Variants in GPATCH8 observed in about 807,000 individuals in gnomAD.
GPATCH8 encodes the protein G-patch domain containing 8.
In GPATCH8, 18 loss-of-function variants were observed where a neutral mutation model predicts 118.3. The observed-to-expected ratio is 0.15, with a 90% CI of 0.11 to 0.23. The LOEUF is 0.23. Ranked by LOEUF, GPATCH8 falls within the 10% of genes least tolerant of loss-of-function variation. The probability of loss-of-function intolerance (pLI) is 1.00; values close to 1 mark genes in which losing one functional copy is unlikely to be tolerated. For missense variants in GPATCH8, 1,631 were observed against 1,873.8 expected, an observed-to-expected ratio of 0.87 and a Z score of 2.39; for synonymous variants, 659 against 684.7, an observed-to-expected ratio of 0.96 and a Z score of 0.59.
intron 1 of GPATCH8, 116 bp from the exon 2 acceptor site, chr17:44,475,019 G>A: frequency 1.5e-6 from 1 of 676,484 alleles, no homozygotes; most frequent in Non-Finnish European, 2.7e-6. Context: ...AACCTAAAAG[G>A]ACACTGCAAT....
At chr17:44,476,361 T>C (rs1051397978) in intron 1 of GPATCH8, among the ~76,000 whole-genome samples, 3 of 152,058 alleles carry the variant, frequency 2.0e-5, no homozygotes, top group Non-Finnish European at 4.4e-5. Flanking sequence ...TGTGCCACCA[T>C]GCCTGGCTAA....
chr17:44,491,306 T>C (rs887443370), intron 1 of GPATCH8, among the ~76,000 whole-genome samples: 1 of 152,024 alleles, frequency 6.6e-6, no homozygotes, highest in Non-Finnish European at 1.5e-5. Flanking sequence ...CTAGCCAAGA[T>C]GGTGAAACCC....
chr17:44,422,713 C>T (rs1395355445), intron 6 of GPATCH8, among the ~76,000 whole-genome samples: 1 of 151,120 alleles, frequency 6.6e-6, no homozygotes, highest in Non-Finnish European at 1.5e-5. Flanking sequence ...CTCCTGACCT[C>T]GTGATCCGCC....
Position 44,398,744 on chromosome 17 carries a change from C to T in GPATCH8, c.3333G>A (p.Glu1111=), listed in dbSNP as rs151242017. Residue 1111 remains glutamate, a synonymous_variant, in exon 8 of 8, where the codon GAG becomes GAA. Transcript: ENST00000591680. Reference sequence around the variant, plus strand: ...CAGCTTTATTAGGGGTGGCCTGCACCTCCTCACTCACACTAGGTTTCCTCT... The same window carrying T: ...CAGCTTTATTAGGGGTGGCCTGCACTTCCTCACTCACACTAGGTTTCCTCT... The part of the protein sequence containing the change: ...KVERKPSVSE[E]VQATPNKAGP... 8.7e-6 allele frequency: 14 copies of T among 1,612,916 alleles called. No individual in the cohort carries two copies. Among genetic ancestry groups the T allele is most frequent in the Middle Eastern group, 1.6e-4 (1 of 6,076 alleles).
intron 6 of GPATCH8, among the ~76,000 whole-genome samples, chr17:44,418,456 CTT>C (rs56885612): frequency 4.2e-4 from 59 of 139,674 alleles, no homozygotes; most frequent in Middle Eastern, 3.6e-3. Flanking sequence ...GTGCTAATGT[CTT>C]TTTTTTTTTT....
Position 44,397,930 on chromosome 17 carries a change from G to C in GPATCH8, c.4147C>G (p.His1383Asp). Residue 1383 changes from histidine to aspartate, a missense_variant, in exon 8 of 8, where the codon CAT becomes GAT. By Grantham distance (81) the His-to-Asp change is moderately conservative (BLOSUM62 -1). Around this residue, in one of 8 missense-constraint regions of GPATCH8, gnomAD observed 111 missense variants for 112.4 expected, o/e 0.99. Coordinates refer to ENST00000591680, the MANE Select transcript of GPATCH8 (RefSeq NM_001002909.4). Reference sequence around the variant, plus strand: ...ATGGCGGCAGCAGCTGCGGCAGCATGATGTTGTAGGATGGCATGCTGAACA... The same window carrying C: ...ATGGCGGCAGCAGCTGCGGCAGCATCATGTTGTAGGATGGCATGCTGAACA... ...TTVQHAILQH[H>D]AAAAAAAIGI... 2.5e-6 allele frequency: 4 copies of C among 1,613,446 alleles called. No homozygotes were observed. The highest frequency in any genetic ancestry group is 3.4e-6 in the Non-Finnish European group (4 of 1,179,430).
In GPATCH8 at chr17:44,400,174, A is replaced by G. The variant is rs775197007; in HGVS notation, c.1903T>C (p.Ser635Pro). ...SSGGRMDAPA[S>P]GSACSGLNKQ... The stretch of plus-strand genomic sequence containing the variant: ...TTCAGGCCGCTACAGGCAGACCCTG[A>G]AGCAGGTGCGTCCATTCTGCCTCCT... Residue 635 changes from serine (S) to proline (P), a missense_variant, in exon 8 of 8, where the codon TCA becomes CCA. Coordinates refer to ENST00000591680, the MANE Select transcript of GPATCH8 (RefSeq NM_001002909.4). 1.1e-5 allele frequency: 18 copies of G among 1,613,752 alleles called. No individual in the cohort carries two copies. In the African/African-American group the frequency reaches 2.4e-4, roughly 22 times the overall value.
chr17:44,501,352 G>A (rs1403428931), intron 1 of GPATCH8, among the ~76,000 whole-genome samples: 1 of 151,782 alleles, frequency 6.6e-6, no homozygotes, highest in Non-Finnish European at 1.5e-5. Context: ...GGGAGGCAGA[G>A]GTTGCAGTGA....
At chr17:44,441,277 A>C (rs1183065554) in intron 3 of GPATCH8, among the ~76,000 whole-genome samples, 1 of 152,246 alleles carries the variant, frequency 6.6e-6, no homozygotes, top group Non-Finnish European at 1.5e-5. Context: ...TCCCTGCAGA[A>C]ACAAATTAGA....
chr17:44,459,236 CA>C (rs1259590859), intron 3 of GPATCH8, among the ~76,000 whole-genome samples: 1 of 152,100 alleles, frequency 6.6e-6, no homozygotes, highest in African/African-American at 2.4e-5. Flanking sequence ...ACATATAAAG[CA>C]ATATTAACTA....
At chr17:44,413,866 C>T (rs1015075244) in intron 6 of GPATCH8, among the ~76,000 whole-genome samples, 1 of 151,874 alleles carries the variant, frequency 6.6e-6, no homozygotes, top group African/African-American at 2.4e-5. Context: ...GTGATCTGCC[C>T]GCCTTGGATT....
chr17:44,463,734 T>C (rs2051652151), intron 3 of GPATCH8, among the ~76,000 whole-genome samples: 1 of 152,240 alleles, frequency 6.6e-6, no homozygotes, highest in Non-Finnish European at 1.5e-5. Flanking sequence ...GAACAAACAG[T>C]AGCTCTTGAA....
intron 7 of GPATCH8, among the ~76,000 whole-genome samples, chr17:44,405,225 T>G (rs2049173354): frequency 6.7e-6 from 1 of 149,400 alleles, no homozygotes; most frequent in Non-Finnish European, 1.5e-5. Flanking sequence ...TTTTTTTTTT[T>G]GAGACGGAGT....
rs1486682110 is a variant in GPATCH8 at position 44,503,395 on chromosome 17, A to C, written c.-25T>G. ...TTTTGCCGCCTTCACTCCTCTCAGG[A>C]CGACGCTCTCCGGTTCGCTCCTTCC... On this transcript the variant is annotated 5_prime_UTR_variant, in exon 1 of 8. Coordinates refer to ENST00000591680, the MANE Select transcript of GPATCH8 (RefSeq NM_001002909.4). 6.3e-7 allele frequency: 1 copy of C among 1,594,490 alleles called. No homozygotes were observed. The highest frequency in any genetic ancestry group is 1.7e-5 in the Admixed American group (1 of 58,408).
chr17:44,472,745 G>C (rs1182634451), intron 2 of GPATCH8, among the ~76,000 whole-genome samples: 3 of 152,074 alleles, frequency 2.0e-5, no homozygotes, highest in Middle Eastern at 3.2e-3. Flanking sequence ...ACCCAGGCTA[G>C]AGTGCAGTGG....
In GPATCH8 at chr17:44,399,607, A is replaced by C; in HGVS notation, c.2470T>G (p.Ser824Ala). ...SSGDEDSDDA[S>A]SHRLHQKSPS... ...GACTTCTGGTGCAGCCGGTGTGAGGAAGCATCATCACTATCCTCATCTCCA... is the reference window on the plus strand; with the variant it reads ...GACTTCTGGTGCAGCCGGTGTGAGGCAGCATCATCACTATCCTCATCTCCA... Residue 824 changes from serine (S) to alanine (A), a missense_variant, in exon 8 of 8, where the codon TCC becomes GCC. Transcript: ENST00000591680. 1 of 1,614,092 alleles carries C rather than the reference A, an allele frequency of 6.2e-7. No homozygotes were observed. The highest frequency in any genetic ancestry group is 8.5e-7 in the Non-Finnish European group (1 of 1,180,000).
Position 44,397,855 on chromosome 17 carries a change from T to G in GPATCH8, c.4222A>C (p.Ile1408Leu). The G allele has an allele frequency of 3.1e-6, 5 of 1,605,052 alleles. No homozygotes were observed. The highest frequency in any genetic ancestry group is 4.3e-6 in the Non-Finnish European group (5 of 1,173,768). ...HPQPLAQVHH[I>L]PQPHLTPISL... ...ATGGGGGTCAGATGGGGCTGGGGAATATGATGCACCTGGGCAAGTGGTTGG... is the reference window on the plus strand; with the variant it reads ...ATGGGGGTCAGATGGGGCTGGGGAAGATGATGCACCTGGGCAAGTGGTTGG... The change falls in exon 8 of 8, where the codon ATT (isoleucine) becomes CTT (leucine). Residue 1408 changes from isoleucine (I) to leucine (L), a missense_variant. Ile to Leu is a conservative substitution (Grantham distance 5). Around this residue, in one of 8 missense-constraint regions of GPATCH8, gnomAD observed 111 missense variants for 112.4 expected, o/e 0.99. Transcript: ENST00000591680.
intron 5 of GPATCH8, among the ~76,000 whole-genome samples, chr17:44,428,642 A>C (rs1339266643): frequency 6.6e-6 from 1 of 152,026 alleles, no homozygotes; most frequent in Non-Finnish European, 1.5e-5. Context: ...GTCTTTACAA[A>C]AAATATAAAA....
intron 3 of GPATCH8, among the ~76,000 whole-genome samples, chr17:44,449,194 T>A (rs964009081): frequency 6.6e-6 from 1 of 152,130 alleles, no homozygotes; most frequent in Non-Finnish European, 1.5e-5. Context: ...GAAGAATCAC[T>A]TGAACCCGGG....
Sources: allele counts gnomAD v4.1 joint callset (sites outside exome capture counted in the v4.1 genomes callset), GRCh38; gene constraint gnomAD v4.1.1; regional missense constraint gnomAD v4.1.1; transcripts MANE v1.5; gene names NCBI Gene and HGNC (gene_info 2026-07-23, HGNC 2026-07-21).